The following MBP variants were observed in gnomAD, a reference collection of about 807,000 sequenced individuals.
The protein encoded by MBP is Golli-MBP.
Under a neutral mutation model 35.8 loss-of-function variants are expected in MBP, and 16 were observed. The ratio of observed to expected loss-of-function variants is 0.45; its 90% confidence interval spans 0.30 to 0.68. MBP has a LOEUF of 0.68. Ranked by LOEUF, MBP falls within the 30% of genes least tolerant of loss-of-function variation. The pLI, the probability that MBP is intolerant of heterozygous loss-of-function variation, is 0.08. For synonymous variants in MBP, 143 were observed against 159.6 expected (o/e 0.90, Z 0.78); for missense variants, 380 against 404.7 (o/e 0.94, Z 0.52).
At chr18:76,998,735 A>ACAGCC (rs1287654449) in intron 4 of MBP, among the ~76,000 whole-genome samples, 1 of 152,132 alleles carries the variant, frequency 6.6e-6, no homozygotes, top group African/African-American at 2.4e-5. Context: ...GCTGAGAAGT[A>ACAGCC]CAGCCCTGTG....
In MBP at chr18:76,989,093, T is replaced by A; in HGVS notation, c.682-181A>T. ...AGTATAGACCTGAGATTGAAAATATTCTAGATGATGCAGATCTCCCAGAGC... is the reference window on the plus strand; with the variant it reads ...AGTATAGACCTGAGATTGAAAATATACTAGATGATGCAGATCTCCCAGAGC... On this transcript the variant is annotated intron_variant, in intron 5 of 8. Transcript: ENST00000355994. This position sits in a 1 kb window ranked among gnomAD's most constrained non-coding sequence, Gnocchi z 4.0. The A allele has an allele frequency of 1.4e-6, 1 of 720,154 alleles. No individual in the cohort carries two copies. The highest frequency in any genetic ancestry group is 2.5e-6 in the Non-Finnish European group (1 of 393,260). 44.6% of individuals were successfully genotyped at this position (720,154 alleles called of 1,614,324 possible).
At chr18:77,081,854 A>T (rs1178521481) in intron 2 of MBP, among the ~76,000 whole-genome samples, 15 of 15,068 alleles carry the variant, frequency 1.0e-3, no homozygotes, top group Non-Finnish European at 1.6e-3. Context: ...ATATATATAT[A>T]TATTTTTTTT....
intron 2 of MBP, among the ~76,000 whole-genome samples, chr18:77,092,444 C>T (rs1357281558): frequency 6.6e-6 from 1 of 152,232 alleles, no homozygotes; most frequent in African/African-American, 2.4e-5. Flanking sequence ...GCACTCAGCA[C>T]CGCGCTCTCC....
chr18:76,995,262 C>T (rs1970207494), intron 4 of MBP, among the ~76,000 whole-genome samples: 2 of 152,172 alleles, frequency 1.3e-5, no homozygotes, highest in African/African-American at 2.4e-5. Flanking sequence ...TTGATTCTTT[C>T]CCCAAATCGA....
chr18:76,981,263 A>G (rs1054258499), intron 8 of MBP: 8 of 152,218 alleles, frequency 5.3e-5, no homozygotes, highest in Non-Finnish European at 8.8e-5. Flanking sequence ...TTCAAAGTTT[A>G]GTCTCTCTCC....
Position 77,016,841 on chromosome 18 carries a change from G to A in MBP, c.567C>T (p.Gly189=). Residue 189 remains glycine, a synonymous_variant, in exon 4 of 9, where the codon GGC becomes GGT. Transcript: ENST00000355994. The part of the protein sequence containing the change: ...FGGDRGAPKR[G]SGKDSHHPAR... ...ACTCCTCAGAGCTCACCTTGCCAGA[G>A]CCCCGCTTGGGCGCACCCCTGTCAC... The A allele has an allele frequency of 6.2e-7, 1 of 1,614,092 alleles. No individual in the cohort carries two copies. The highest frequency in any genetic ancestry group is 8.5e-7 in the Non-Finnish European group (1 of 1,180,036).
At chr18:77,110,248 A>G (rs1976404329) in intron 1 of MBP, 1 of 152,202 alleles carries the variant, frequency 6.6e-6, no homozygotes, top group Admixed American at 6.5e-5. Context: ...TTATTAATCA[A>G]TACAATAAGA....
At chr18:77,074,713 G>A (rs1974586429) in intron 2 of MBP, among the ~76,000 whole-genome samples, 1 of 152,156 alleles carries the variant, frequency 6.6e-6, no homozygotes, top group Non-Finnish European at 1.5e-5. Flanking sequence ...ATGGGAAATC[G>A]ATTCCCAGAC....
intron 2 of MBP, among the ~76,000 whole-genome samples, chr18:77,078,764 C>G (rs1013452021): frequency 1.3e-5 from 2 of 152,244 alleles, no homozygotes; most frequent in Non-Finnish European, 2.9e-5. Context: ...GGCTCTGCTC[C>G]TCTCTCCTGT....
chr18:77,108,576 G>A (rs1339523161), intron 1 of MBP: 1 of 152,206 alleles, frequency 6.6e-6, no homozygotes, highest in African/African-American at 2.4e-5. Context: ...CTTTGATAAT[G>A]TCTGTGTGAT....
chr18:77,100,918 A>G (rs1975982682), intron 2 of MBP, among the ~76,000 whole-genome samples: 1 of 152,132 alleles, frequency 6.6e-6, no homozygotes, highest in Non-Finnish European at 1.5e-5. Flanking sequence ...AGAAAACCCC[A>G]AAGAGTAAGC....
At chr18:76,985,359 G>A in intron 7 of MBP, 1 of 1,275,764 alleles carries the variant, frequency 7.8e-7, no homozygotes, top group Admixed American at 2.4e-5. Context: ...CGCCTTTGCT[G>A]GGGGCTCCTT....
At chr18:77,037,793 G>A (rs543129583) in intron 3 of MBP, among the ~76,000 whole-genome samples, 13 of 152,300 alleles carry the variant, frequency 8.5e-5, no homozygotes, top group African/African-American at 2.2e-4. Flanking sequence ...ACAGCAGGAC[G>A]GTACCAAGTG....
At chr18:77,034,917 G>A (rs1972695344) in intron 3 of MBP, among the ~76,000 whole-genome samples, 1 of 152,172 alleles carries the variant, frequency 6.6e-6, no homozygotes, top group African/African-American at 2.4e-5. Flanking sequence ...CCTGAAGCCC[G>A]GGTGTGCTGC....
chr18:76,984,737 A>G (rs751244889), intron 8 of MBP, 38 bp downstream of exon 8: 5 of 1,613,366 alleles, frequency 3.1e-6, no homozygotes, highest in Non-Finnish European at 3.4e-6. Context: ...GGGAGCCCTT[A>G]GTCCCCGCTC....
In MBP at chr18:77,082,104, G is replaced by C. The variant is rs531184878; in HGVS notation, c.52-15719C>G. 1.4e-4 allele frequency among the ~76,000 whole-genome samples: 21 copies of C among 151,874 alleles called. No homozygotes were observed. In the East Asian group the frequency reaches 2.1e-3, roughly 15 times the overall value. On this transcript the variant is annotated intron_variant, in intron 2 of 8. Coordinates refer to ENST00000355994, the MANE Select transcript of MBP (RefSeq NM_001025101.2). ...CCTGACCTTGTGATCCGCCCGCCTCGGCCTCCCAAAGTGCTGGGATTACAG... is the reference window on the plus strand; with the variant it reads ...CCTGACCTTGTGATCCGCCCGCCTCCGCCTCCCAAAGTGCTGGGATTACAG...
rs550163080 is a variant in MBP, at chr18:77,025,358, G to A, written c.140-8090C>T. On this transcript the variant is annotated intron_variant, in intron 3 of 8. Transcript: ENST00000355994. ...AGACCCAGAGGCTTTCTGATCTGTC[G>A]GGAGCCAAGAGCTGAGCCAGGGCCC... is the stretch of plus-strand genomic sequence containing the variant. Among the ~76,000 whole-genome samples the A allele has an allele frequency of 5.9e-5, 9 of 152,254 alleles. No homozygotes were observed. The South Asian group carries it at 8.3e-4, about 14-fold the overall frequency.
chr18:77,127,828 A>G (rs1187132256), intron 1 of MBP: 2 of 152,160 alleles, frequency 1.3e-5, no homozygotes, highest in Non-Finnish European at 2.9e-5. Context: ...ATCAGGAGAT[A>G]TCACTACACA....
At chr18:77,015,467 A>G in intron 4 of MBP, 1 of 985,484 alleles carries the variant, frequency 1.0e-6, no homozygotes, top group African/African-American at 1.7e-5. Context: ...GAACACCAAC[A>G]TTTCAGGGTG....
Sources: allele counts gnomAD v4.1 joint callset (sites outside exome capture counted in the v4.1 genomes callset), GRCh38; gene constraint gnomAD v4.1.1; non-coding constraint Gnocchi (gnomAD v3.1); transcripts MANE v1.5; gene names NCBI Gene and HGNC (gene_info 2026-07-23, HGNC 2026-07-21).